Variants in OOSP4A observed in about 807,000 individuals in gnomAD.
OOSP4A encodes the protein oocyte secreted protein family member 4A, also known as oocyte-secreted protein 4A.
chr11:59,968,584 T>G (rs1374116743), intron 3 of OOSP4A, among the ~76,000 whole-genome samples: 1 of 152,230 alleles, frequency 6.6e-6, no homozygotes. Context: ...CAGTTCATGG[T>G]GGGAGAATAT....
chr11:59,966,615 A>G (rs1214925026), intron 2 of OOSP4A, among the ~76,000 whole-genome samples: 2 of 152,222 alleles, frequency 1.3e-5, no homozygotes, highest in Non-Finnish European at 2.9e-5. Flanking sequence ...AGCTGGGACT[A>G]CAGGCATGCA....
At chr11:59,964,872 A>T (rs1854081544) in intron 1 of OOSP4A, among the ~76,000 whole-genome samples, 1 of 152,236 alleles carries the variant, frequency 6.6e-6, no homozygotes, top group East Asian at 1.9e-4. Context: ...AGCCAAATGT[A>T]AAGCTTTTTC....
At position 59,964,043 on chromosome 11, in the gene OOSP4A, CT is replaced by C. The variant is rs1854069103; in HGVS notation, c.13del (p.Cys5ValfsTer12). ...CTGGAATCTGAAGCAATGAAGATCT[CT>C]TGTGTGTTGGGAAAGCTCCTCATGC... is the stretch of plus-strand genomic sequence containing the variant. On this transcript the variant is annotated frameshift_variant, in exon 1 of 5. Transcript: ENST00000645590. LOFTEE classifies it high-confidence loss of function. 2 of 396,818 alleles carry C rather than the reference CT, an allele frequency of 5.0e-6. No homozygotes were observed. The highest frequency in any genetic ancestry group is 4.1e-5 in the African/African-American group (2 of 48,330). 24.6% of individuals were successfully genotyped at this position (396,818 alleles called of 1,614,324 possible). A position where few individuals can be genotyped will look rare whatever the true frequency, so the allele number is the denominator to read the frequency against.
At chr11:59,965,832 A>T in intron 2 of OOSP4A, 119 bp downstream of exon 2, 1 of 396,180 alleles carries the variant, frequency 2.5e-6, no homozygotes, top group East Asian at 3.6e-5. Context: ...TAGTTCATGT[A>T]GTATTGATTA....
intron 1 of OOSP4A, among the ~76,000 whole-genome samples, chr11:59,964,379 A>G (rs1041648511): frequency 6.6e-6 from 1 of 151,820 alleles, no homozygotes; most frequent in Non-Finnish European, 1.5e-5. Flanking sequence ...GCTGGAGACT[A>G]GCTTGTTACT....
chr11:59,967,821 C>T (rs1482317845), intron 3 of OOSP4A, among the ~76,000 whole-genome samples: 2 of 152,056 alleles, frequency 1.3e-5, no homozygotes, highest in Non-Finnish European at 2.9e-5. Flanking sequence ...GAGCTGTTCA[C>T]AAGGCCCAGT....
At chr11:59,965,035 G>C (rs1023888688) in intron 1 of OOSP4A, among the ~76,000 whole-genome samples, 1 of 150,542 alleles carries the variant, frequency 6.6e-6, no homozygotes, top group African/African-American at 2.5e-5. Flanking sequence ...CTCAACTATC[G>C]CAAGGACAAA....
chr11:59,966,232 T>C (rs2134584999), intron 2 of OOSP4A, among the ~76,000 whole-genome samples: 1 of 152,110 alleles, frequency 6.6e-6, no homozygotes, highest in African/African-American at 2.4e-5. Context: ...AGTTTTTCAT[T>C]TTTGGTATCA....
At chr11:59,964,988 G>T (rs372132099) in intron 1 of OOSP4A, among the ~76,000 whole-genome samples, 9 of 152,100 alleles carry the variant, frequency 5.9e-5, no homozygotes, top group African/African-American at 2.2e-4. Flanking sequence ...AACAAAGTGT[G>T]CATGTTGCGA....
rs947000501 is a variant in OOSP4A at position 59,966,533 on chromosome 11, C to T, written c.247-534C>T. Among the ~76,000 whole-genome samples, 5 of 151,160 alleles carry T rather than the reference C, an allele frequency of 3.3e-5. No individual in the cohort carries two copies. In the East Asian group the frequency reaches 5.8e-4, roughly 18 times the overall value. ...GCTCTGTCACCAGGCTGGAGTGCAG[C>T]GGCACAATCTCGGCTCACTGCAACC... On this transcript the variant is annotated intron_variant, in intron 2 of 4. Transcript: ENST00000645590.
chr11:59,967,378 G>A (rs536206805), intron 3 of OOSP4A, among the ~76,000 whole-genome samples: 1 of 152,110 alleles, frequency 6.6e-6, no homozygotes, highest in Non-Finnish European at 1.5e-5. Flanking sequence ...TGTTATATGA[G>A]AATTGAATTC....
intron 2 of OOSP4A, 91 bp from the exon 3 acceptor site, chr11:59,966,973 AATT>A (rs1282909260): frequency 1.3e-5 from 5 of 390,912 alleles, no homozygotes; most frequent in African/African-American, 8.3e-5. Flanking sequence ...TAAAAGTAAA[AATT>A]ATTTTGTTTT....
At chr11:59,967,844 C>T (rs965564819) in intron 3 of OOSP4A, among the ~76,000 whole-genome samples, 1 of 152,050 alleles carries the variant, frequency 6.6e-6, no homozygotes, top group African/African-American at 2.4e-5. Flanking sequence ...CATGTGTGTT[C>T]TCTCTGCCCC....
chr11:59,969,350 T>G (rs1854133752), intron 4 of OOSP4A, 66 bp downstream of exon 4: 1 of 397,228 alleles, frequency 2.5e-6, no homozygotes, highest in African/African-American at 2.1e-5. Flanking sequence ...GGCCAGGGTT[T>G]AGTAAGGTGG....
chr11:59,965,245 T>C (rs528665441), intron 1 of OOSP4A, among the ~76,000 whole-genome samples: 22 of 152,092 alleles, frequency 1.4e-4, no homozygotes, highest in Middle Eastern at 3.4e-3. Flanking sequence ...CATGTATACA[T>C]ATGTAACTAA....
chr11:59,964,065 C>T (rs1385820405), exon 1 of OOSP4A: 1 of 396,586 alleles, frequency 2.5e-6, no homozygotes, highest in Non-Finnish European at 4.4e-6. Flanking sequence ...GAAAGCTCCT[C>T]ATGCTTTTCG....
At chr11:59,965,432 A>T (rs1022328968) in intron 1 of OOSP4A, 103 bp from the exon 2 acceptor site, 2 of 396,990 alleles carry the variant, frequency 5.0e-6, no homozygotes, top group African/African-American at 4.1e-5. Flanking sequence ...TTTTCACTCT[A>T]CAGTTGGGGA....
intron 4 of OOSP4A, among the ~76,000 whole-genome samples, chr11:59,969,518 C>CT (rs1854134900): frequency 6.6e-6 from 1 of 152,122 alleles, no homozygotes; most frequent in Non-Finnish European, 1.5e-5. Context: ...CTCAATAGTT[C>CT]TTTTATGTTA....
At chr11:59,968,936 G>C (rs1565033976) in intron 3 of OOSP4A, among the ~76,000 whole-genome samples, 1 of 152,068 alleles carries the variant, frequency 6.6e-6, no homozygotes, top group Admixed American at 6.6e-5. Flanking sequence ...GTACATTTTG[G>C]GATAATGAAA....
Sources: allele counts gnomAD v4.1 joint callset (sites outside exome capture counted in the v4.1 genomes callset), GRCh38; gene constraint gnomAD v4.1.1; transcripts MANE v1.5; gene names NCBI Gene and HGNC (gene_info 2026-07-23, HGNC 2026-07-21).